The following ZFYVE19 variants were observed in gnomAD, a reference collection of about 807,000 sequenced individuals.
ZFYVE19 encodes zinc finger FYVE-type containing 19.
A neutral mutation model predicts 62.8 loss-of-function variants in ZFYVE19; 49 were observed. The observed-to-expected ratio is 0.78, with a 90% CI of 0.62 to 0.99. The LOEUF (loss-of-function observed/expected upper bound fraction) is 0.99. ZFYVE19 is among the 50% of genes least tolerant of loss of function. The probability of loss-of-function intolerance (pLI) is 0.00; values close to 1 mark genes in which losing one functional copy is unlikely to be tolerated. For synonymous variants in ZFYVE19, 242 were observed against 234.3 expected (o/e 1.03, Z -0.30); for missense variants, 630 against 601.9 (o/e 1.05, Z -0.49).
Position 40,814,711 on chromosome 15 carries a change from C to CA in ZFYVE19, c.*485_*486insA. The CA allele has an allele frequency of 1.1e-5, 2 of 180,792 alleles. No individual in the cohort carries two copies. Among genetic ancestry groups the CA allele is most frequent in the Non-Finnish European group, 2.4e-5 (2 of 84,386 alleles). 11.2% of individuals were successfully genotyped at this position (180,792 alleles called of 1,614,324 possible). On this transcript the variant is annotated 3_prime_UTR_variant, in exon 11 of 11. Transcript: ENST00000355341. ...ACTTCTCCAGGCAGGAACAGCCCTACCCATCCTGGTGGCCTCATACGAAGT... is the reference window on the plus strand; with the variant it reads ...ACTTCTCCAGGCAGGAACAGCCCTACACCATCCTGGTGGCCTCATACGAAGT...
chr15:40,810,614 C>G (rs369463552), intron 5 of ZFYVE19, 35 bp from the exon 6 acceptor site: 3 of 1,550,690 alleles, frequency 1.9e-6, no homozygotes, highest in African/African-American at 2.7e-5. Context: ...TCTGGGCTAC[C>G]CCTGCTCTCC....
chr15:40,812,664 T>A (rs754450033), intron 6 of ZFYVE19, 35 bp from the exon 7 acceptor site: 157 of 1,562,298 alleles, frequency 1.0e-4, no homozygotes, highest in Non-Finnish European at 8.3e-5. Flanking sequence ...GATACTGGGA[T>A]GTCTCGGCCT....
rs371996693 is a variant in ZFYVE19, at chr15:40,807,789, C to T, written c.200C>T (p.Ala67Val). 3 of 1,571,062 alleles carry T rather than the reference C, an allele frequency of 1.9e-6. No homozygotes were observed. Among genetic ancestry groups the T allele is most frequent in the South Asian group, 2.3e-5 (2 of 86,370 alleles). Residue 67 changes from alanine to valine, a missense_variant, in exon 1 of 11, where the codon GCA (alanine) becomes GTA (valine). Coordinates refer to ENST00000355341, the MANE Select transcript of ZFYVE19 (RefSeq NM_001077268.2). ...CTTGGCCGGCGTGATCTCAGCTCTG[C>T]AGACCCTGCGGTGCTGGGAGCCACC... ...PGLGRRDLSS[A>V]DPAVLGATME...
chr15:40,812,846 G>A lies in ZFYVE19; in HGVS notation c.974G>A (p.Arg325Gln), dbSNP rs183941751. 2.7e-5 allele frequency: 43 copies of A among 1,613,572 alleles called. No individual in the cohort carries two copies. Among genetic ancestry groups the A allele is most frequent in the Middle Eastern group, 3.3e-4 (2 of 6,038 alleles). The change falls in exon 7 of 11, where the codon CGG becomes CAG. Residue 325 changes from arginine (R) to glutamine (Q), a missense_variant. By Grantham distance (43) the Arg-to-Gln change is conservative. Transcript: ENST00000355341. ...CGGGAGGAGAACACGAGGCAGGAAC[G>A]GATTCTGGCCCTGGCCAAGCGACTA... Reference protein sequence around the residue: ...ELREENTRQERILALAKRLAM... With the variant: ...ELREENTRQEQILALAKRLAM...
intron 1 of ZFYVE19, 82 bp downstream of exon 1, chr15:40,807,950 C>A: frequency 6.7e-7 from 1 of 1,481,494 alleles, no homozygotes; most frequent in South Asian, 1.2e-5. Flanking sequence ...AAGACTTGGT[C>A]TTACGGCTCC....
At chr15:40,812,946 G>A (rs1323744114) in intron 7 of ZFYVE19, 44 bp downstream of exon 7, 1 of 1,597,118 alleles carries the variant, frequency 6.3e-7, no homozygotes, top group Non-Finnish European at 8.5e-7. Context: ...CCTTGGTCAA[G>A]GCCTCCCTGG....
rs1175091945 is a variant in ZFYVE19, at chr15:40,807,558, T to G, written c.-32T>G. The G allele has an allele frequency of 6.2e-7, 1 of 1,606,748 alleles. No homozygotes were observed. The highest frequency in any genetic ancestry group is 8.5e-7 in the Non-Finnish European group (1 of 1,175,740). On this transcript the variant is annotated 5_prime_UTR_variant, in exon 1 of 11. Coordinates refer to ENST00000355341, the MANE Select transcript of ZFYVE19 (RefSeq NM_001077268.2). ...TGGGAATTGTGTTCTGGGTCAGGCT[T>G]GACTGACTCTGAGGGAGGCCGGCAG... is the stretch of plus-strand genomic sequence containing the variant.
rs373683169 is a variant in ZFYVE19 at position 40,810,267 on chromosome 15, G to A, written c.717+51G>A. 1.3e-3 allele frequency: 2,158 copies of A among 1,603,452 alleles called. 5 individuals are homozygous for A. The highest frequency in any genetic ancestry group is 2.9e-3 in the Admixed American group (170 of 58,258). The stretch of plus-strand genomic sequence containing the variant: ...GCGGGGGTGCTAGCGGGAGGACCCA[G>A]CAGAAGCCCAGATACAGGTATTGGG... On this transcript the variant is annotated intron_variant, in intron 5 of 10. Coordinates refer to ENST00000355341, the MANE Select transcript of ZFYVE19 (RefSeq NM_001077268.2).
chr15:40,813,482 C>G (rs1890564147), intron 8 of ZFYVE19, 65 bp downstream of exon 8: 4 of 1,476,358 alleles, frequency 2.7e-6, no homozygotes, highest in South Asian at 1.2e-5. Context: ...CACCTCTACT[C>G]TGGGGCTGGG....
At chr15:40,811,413 A>T (rs543617253) in intron 6 of ZFYVE19, among the ~76,000 whole-genome samples, 2 of 152,314 alleles carry the variant, frequency 1.3e-5, no homozygotes, top group South Asian at 2.1e-4. Context: ...GGTTGTCACA[A>T]CCCAGAGGAT....
In ZFYVE19 at chr15:40,814,287, A is replaced by T. The variant is rs7915; in HGVS notation, c.*61A>T. On this transcript the variant is annotated 3_prime_UTR_variant, in exon 11 of 11. Coordinates refer to ENST00000355341, the MANE Select transcript of ZFYVE19 (RefSeq NM_001077268.2). ...GGCAGCGGCACCCATTTCTGGGCCC[A>T]GCCACAGGACGTCCGATGGGAGAGC... The T allele has an allele frequency of 5.6e-6, 9 of 1,593,286 alleles. No homozygotes were observed. Among genetic ancestry groups the T allele is most frequent in the Admixed American group, 3.4e-5 (2 of 58,184 alleles).
chr15:40,809,562 G>A, intron 3 of ZFYVE19, 104 bp downstream of exon 3: 1 of 1,417,218 alleles, frequency 7.1e-7, no homozygotes, highest in Non-Finnish European at 9.8e-7. Context: ...CACAGAATCA[G>A]GAGAATTCTC....
At position 40,812,894 on chromosome 15, in the gene ZFYVE19, C is replaced by T; in HGVS notation, c.1022C>T (p.Pro341Leu). 1 of 1,610,862 alleles carries T rather than the reference C, an allele frequency of 6.2e-7. No homozygotes were observed. Among genetic ancestry groups the T allele is most frequent in the Non-Finnish European group, 8.5e-7 (1 of 1,179,864 alleles). ...CTAGCCATGCTGCGGGGACAGGACC[C>T]CGAGAGAGGTGAAGGCTGGGGAGCA... Reference protein sequence around the residue: ...KRLAMLRGQDPERVTLQDYRL... With the variant: ...KRLAMLRGQDLERVTLQDYRL... The change falls in exon 7 of 11, where the codon CCC becomes CTC. Residue 341 changes from proline (P) to leucine (L), a missense_variant. Physicochemically the swap from Pro to Leu is moderately conservative, Grantham distance 98. Transcript: ENST00000355341.
At chr15:40,810,817 G>T in intron 6 of ZFYVE19, 60 bp downstream of exon 6, 1 of 1,541,348 alleles carries the variant, frequency 6.5e-7, no homozygotes, top group South Asian at 1.2e-5. Context: ...GACTGGAGAG[G>T]CTCTGCTGTC....
Position 40,809,597 on chromosome 15 carries a change from C to T in ZFYVE19, c.452+139C>T, listed in dbSNP as rs146400922. 947 of 1,142,748 alleles carry T rather than the reference C, an allele frequency of 8.3e-4. 6 individuals are homozygous for T. The African/African-American group carries it at 0.014, about 17-fold the overall frequency. The allele number at this position is 1,142,748 out of a possible 1,614,324, so 70.8% of individuals were successfully genotyped here. ...CTCCTCTCTGGCTCCTGACTGCCCT[C>T]TTGGGCTGGTAAAGCAGCTCTTCAG... On this transcript the variant is annotated intron_variant, in intron 3 of 10. Transcript: ENST00000355341.
chr15:40,809,455 A>G lies in ZFYVE19; in HGVS notation c.449A>G (p.Lys150Arg). The G allele has an allele frequency of 3.1e-6, 5 of 1,614,180 alleles. No individual in the cohort carries two copies. Among genetic ancestry groups the G allele is most frequent in the South Asian group, 2.2e-5 (2 of 91,088 alleles). The stretch of plus-strand genomic sequence containing the variant: ...AAGTGGTCACCACCTCAGAACTATA[A>G]GAAGTAAGTGCTGAAGAGAAAAAGA... ...ASKWSPPQNY[K>R]KRVAALEAKQ... The change falls in exon 3 of 11, where the codon AAG becomes AGG. Residue 150 changes from lysine to arginine, a missense_variant. Coordinates refer to ENST00000355341, the MANE Select transcript of ZFYVE19 (RefSeq NM_001077268.2).
chr15:40,812,410 G>T (rs928163133), intron 6 of ZFYVE19, among the ~76,000 whole-genome samples: 1 of 151,968 alleles, frequency 6.6e-6, no homozygotes, highest in Non-Finnish European at 1.5e-5. Flanking sequence ...GCCGGGCATG[G>T]TGTCACGTGC....
rs767605030 is a variant in ZFYVE19, at chr15:40,807,291, G to T, written c.-299G>T. ...ACCCGAATGAACCTGGAGAGCGGATGCCAGCAGTGGCCGAGGCGCTAGGAC... is the reference window on the plus strand; with the variant it reads ...ACCCGAATGAACCTGGAGAGCGGATTCCAGCAGTGGCCGAGGCGCTAGGAC... On this transcript the variant is annotated 5_prime_UTR_variant, in exon 1 of 11. It removes an upstream start codon present in the reference 5' UTR. Transcript: ENST00000355341. The T allele has an allele frequency of 8.4e-5, 136 of 1,612,016 alleles. No individual in the cohort carries two copies. The highest frequency in any genetic ancestry group is 1.1e-4 in the Non-Finnish European group (126 of 1,179,204).
chr15:40,814,055 G>C lies in ZFYVE19; in HGVS notation c.1322G>C (p.Cys441Ser). Reference protein sequence around the residue: ...RCAGCDGDLFCARCFREGHDA... With the variant: ...RCAGCDGDLFSARCFREGHDA... ...GCTGGCTGCGATGGGGACCTCTTCT[G>C]TGCCCGCTGCTTCCGGTGGGTGCAG... The change falls in exon 10 of 11, where the codon TGT becomes TCT. Residue 441 changes from cysteine to serine, a missense_variant. Coordinates refer to ENST00000355341, the MANE Select transcript of ZFYVE19 (RefSeq NM_001077268.2). The C allele has an allele frequency of 8.7e-6, 14 of 1,614,138 alleles. No individual in the cohort carries two copies. The highest frequency in any genetic ancestry group is 1.2e-5 in the Non-Finnish European group (14 of 1,179,972).
Sources: allele counts gnomAD v4.1 joint callset (sites outside exome capture counted in the v4.1 genomes callset), GRCh38; gene constraint gnomAD v4.1.1; transcripts MANE v1.5; gene names NCBI Gene and HGNC (gene_info 2026-07-23, HGNC 2026-07-21).